The following ASAP2 variants were observed in gnomAD, a reference collection of about 807,000 sequenced individuals.
The protein encoded by ASAP2 is ArfGAP with SH3 domain, ankyrin repeat and PH domain 2.
A neutral mutation model predicts 131.4 loss-of-function variants in ASAP2; 45 were observed. The ratio of observed to expected loss-of-function variants is 0.34; its 90% CI spans 0.27 to 0.44. The LOEUF is 0.44. Among genes scored for constraint, ASAP2 ranks in the 20% least tolerant of loss-of-function variants. The pLI, the probability that ASAP2 is intolerant of heterozygous loss-of-function variation, is 1.00. For synonymous variants in ASAP2, 510 were observed against 503.0 expected, an observed-to-expected ratio of 1.01 and a Z score of -0.19; for missense variants, 1,011 against 1,297.0, an observed-to-expected ratio of 0.78 and a Z score of 3.39.
intron 11 of ASAP2, among the ~76,000 whole-genome samples, chr2:9,347,724 A>G (rs1672061683): frequency 6.6e-6 from 1 of 152,216 alleles, no homozygotes. Flanking sequence ...TTGAGACAAA[A>G]TAACTCTAAT....
chr2:9,229,652 C>T (rs1004507242), intron 1 of ASAP2, among the ~76,000 whole-genome samples: 6 of 152,214 alleles, frequency 3.9e-5, no homozygotes, highest in African/African-American at 1.4e-4. Flanking sequence ...CCAGGATTGC[C>T]TGCGTTAGGC....
At position 9,368,381 on chromosome 2, in the gene ASAP2, G is replaced by C. The variant is rs749810682; in HGVS notation, c.1462-44G>C. On this transcript the variant is annotated intron_variant, in intron 15 of 27. Coordinates refer to ENST00000281419, the MANE Select transcript of ASAP2 (RefSeq NM_003887.3). The stretch of plus-strand genomic sequence containing the variant: ...GATGGGTAATGTGTAGCAGTAGAAT[G>C]TATTAATAATTGAGTATCCTGAAAT... 68 of 1,510,430 alleles carry C rather than the reference G, an allele frequency of 4.5e-5. No homozygotes were observed. In the Admixed American group the frequency reaches 1.1e-3, roughly 25 times the overall value. The allele number at this position is 1,510,430 out of a possible 1,614,324, so 93.6% of individuals were successfully genotyped here. A position where few individuals can be genotyped will look rare whatever the true frequency, so the allele number is the denominator to read the frequency against.
intron 1 of ASAP2, among the ~76,000 whole-genome samples, chr2:9,218,159 G>C (rs1210337363): frequency 6.6e-6 from 1 of 152,124 alleles, no homozygotes; most frequent in Non-Finnish European, 1.5e-5. Context: ...TGCCCCACCT[G>C]TCAGTCTCCT....
At chr2:9,400,624 A>G (rs941592768) in intron 25 of ASAP2, 118 bp from the exon 26 acceptor site, 6 of 896,260 alleles carry the variant, frequency 6.7e-6, no homozygotes, top group African/African-American at 3.3e-5. Flanking sequence ...TTTCCCCTCA[A>G]CAGATCGGAA....
At position 9,380,726 on chromosome 2, in the gene ASAP2, G is replaced by T. The variant is rs375002980; in HGVS notation, c.1949-15G>T. 7.4e-6 allele frequency: 12 copies of T among 1,613,862 alleles called. No individual in the cohort carries two copies. Among genetic ancestry groups the T allele is most frequent in the African/African-American group, 1.3e-5 (1 of 74,900 alleles). On this transcript the variant is annotated splice_polypyrimidine_tract_variant and intron_variant, in intron 19 of 27. Transcript: ENST00000281419. ...TTTTGCCTTAACGCCTCCTTTGCTC[G>T]CCCTTGAATTTTAGCAAACGAGTCA...
chr2:9,383,245 C>G (rs923545806), intron 20 of ASAP2, among the ~76,000 whole-genome samples: 4 of 151,564 alleles, frequency 2.6e-5, no homozygotes, highest in African/African-American at 9.7e-5. Context: ...TCACAAGTAT[C>G]GTGGCCTCTG....
chr2:9,400,892 C>T, intron 26 of ASAP2, 62 bp downstream of exon 26: 2 of 1,514,622 alleles, frequency 1.3e-6, no homozygotes, highest in East Asian at 2.3e-5. Context: ...GGTGGTTTCA[C>T]AAGGGCTCAG....
chr2:9,298,653 C>T (rs189401736), intron 3 of ASAP2, among the ~76,000 whole-genome samples: 3 of 152,232 alleles, frequency 2.0e-5, no homozygotes, highest in Admixed American at 6.5e-5. Context: ...ATCACCAGGT[C>T]GGGAAAGAGT....
At chr2:9,375,589 T>G (rs1008959396) in intron 17 of ASAP2, among the ~76,000 whole-genome samples, 1 of 152,190 alleles carries the variant, frequency 6.6e-6, no homozygotes, top group Admixed American at 6.5e-5. Flanking sequence ...ATAGACGCTA[T>G]GTAGTCTTAC....
chr2:9,379,132 C>T, intron 19 of ASAP2, 73 bp downstream of exon 19: 1 of 1,135,580 alleles, frequency 8.8e-7, no homozygotes, highest in Non-Finnish European at 1.2e-6. Flanking sequence ...CATCCAAGCG[C>T]TGCTCTTGGA....
At chr2:9,258,389 A>G (rs1017031054) in intron 1 of ASAP2, among the ~76,000 whole-genome samples, 1 of 151,038 alleles carries the variant, frequency 6.6e-6, no homozygotes, top group Non-Finnish European at 1.5e-5. Context: ...TTCCTTTAAA[A>G]AATACCTCAC....
At chr2:9,374,680 G>A (rs958584532) in intron 16 of ASAP2, 75 bp from the exon 17 acceptor site, 3 of 1,390,718 alleles carry the variant, frequency 2.2e-6, no homozygotes, top group Non-Finnish European at 2.9e-6. Context: ...CCGTTAACAT[G>A]GCCTTAGACA....
chr2:9,359,724 G>T (rs767791475), intron 15 of ASAP2, among the ~76,000 whole-genome samples: 2 of 152,222 alleles, frequency 1.3e-5, no homozygotes, highest in Non-Finnish European at 2.9e-5. Context: ...TTCCTCTCAA[G>T]GGGCCATCAG....
chr2:9,375,028 C>T (rs6724714), intron 17 of ASAP2, 84 bp downstream of exon 17: 189,749 of 1,294,810 alleles, frequency 0.15, 25,402 homozygotes, highest in African/African-American at 0.71. Context: ...TACTTTACTT[C>T]AGGAGGCCAA....
intron 9 of ASAP2, among the ~76,000 whole-genome samples, chr2:9,343,416 C>T (rs2148599482): frequency 6.6e-6 from 1 of 152,278 alleles, no homozygotes; most frequent in Non-Finnish European, 1.5e-5. Flanking sequence ...CTCCTACTCT[C>T]AACTCAGAGT....
intron 21 of ASAP2, among the ~76,000 whole-genome samples, chr2:9,387,462 C>T (rs1278440753): frequency 6.6e-6 from 1 of 152,062 alleles, no homozygotes; most frequent in Non-Finnish European, 1.5e-5. Flanking sequence ...GTTTGCTAAC[C>T]CTAATTTGGA....
intron 3 of ASAP2, among the ~76,000 whole-genome samples, chr2:9,314,428 G>T (rs190816245): frequency 3.3e-5 from 5 of 152,334 alleles, no homozygotes; most frequent in African/African-American, 1.2e-4. Flanking sequence ...AGCCCCTGTA[G>T]ATTCTGTCTT....
intron 9 of ASAP2, among the ~76,000 whole-genome samples, chr2:9,335,722 G>A (rs551093352): frequency 4.6e-5 from 7 of 152,288 alleles, no homozygotes; most frequent in South Asian, 2.1e-4. Context: ...GTGCTAACAC[G>A]TCAGCAGGGA....
At chr2:9,258,233 A>C (rs72773379) in intron 1 of ASAP2, among the ~76,000 whole-genome samples, 34,154 of 142,338 alleles carry the variant, frequency 0.24, 4,061 homozygotes, top group Non-Finnish European at 0.27. Context: ...TGACAGAGCG[A>C]TACTTCATCT....
Sources: gnomAD v4.1 joint callset for allele counts (sites outside exome capture counted in the v4.1 genomes callset) on GRCh38, gnomAD v4.1.1 for gene constraint, MANE v1.5 for transcripts, NCBI Gene and HGNC (gene_info 2026-07-23, HGNC 2026-07-21) for gene names.